The following KATNIP variants were observed in gnomAD, a reference collection of about 807,000 sequenced individuals.
The protein encoded by KATNIP is katanin interacting protein, also known as katanin-interacting protein.
A neutral mutation model predicts 174.0 loss-of-function variants in KATNIP; 126 were observed. The observed-to-expected ratio is 0.72, with a 90% confidence interval of 0.63 to 0.84. The LOEUF (loss-of-function observed/expected upper bound fraction) is 0.84, where lower values mean the gene tolerates loss of function less well. Among genes scored for constraint, KATNIP ranks in the 40% least tolerant of loss-of-function variants. The probability of loss-of-function intolerance (pLI) is 0.00; values close to 1 mark genes in which losing one functional copy is unlikely to be tolerated. For synonymous variants in KATNIP, 810 were observed against 835.7 expected (o/e 0.97, Z 0.53); for missense variants, 1,958 against 2,109.7 (o/e 0.93, Z 1.41).
intron 3 of KATNIP, among the ~76,000 whole-genome samples, chr16:27,624,584 G>T (rs1487310821): frequency 6.6e-6 from 1 of 152,168 alleles, no homozygotes; most frequent in African/African-American, 2.4e-5. Context: ...GGGAAGCCAA[G>T]GTGGGTGGAT....
At chr16:27,622,054 C>A (rs718965) in intron 3 of KATNIP, among the ~76,000 whole-genome samples, 130,181 of 151,938 alleles carry the variant, frequency 0.86, 55,827 homozygotes, top group East Asian at 1. Context: ...CACCCCACTA[C>A]ATTGTGCAGT....
chr16:27,587,359 G>C (rs975948302), intron 2 of KATNIP, among the ~76,000 whole-genome samples: 2 of 152,170 alleles, frequency 1.3e-5, no homozygotes, highest in Non-Finnish European at 2.9e-5. Flanking sequence ...GGTTGGTGTA[G>C]TTTACACCTG....
intron 3 of KATNIP, among the ~76,000 whole-genome samples, chr16:27,626,202 C>G (rs1214109387): frequency 6.6e-6 from 1 of 150,920 alleles, no homozygotes; most frequent in Non-Finnish European, 1.5e-5. Flanking sequence ...CTCCCCCGCC[C>G]CCCACTGAAC....
intron 2 of KATNIP, among the ~76,000 whole-genome samples, chr16:27,574,526 GT>G (rs1461812948): frequency 6.9e-6 from 1 of 145,014 alleles, no homozygotes; most frequent in Non-Finnish European, 1.5e-5. Context: ...AGGCTTACAA[GT>G]CACACAGTGT....
chr16:27,622,373 C>G (rs764483404), intron 3 of KATNIP, among the ~76,000 whole-genome samples: 1 of 152,162 alleles, frequency 6.6e-6, no homozygotes, highest in East Asian at 1.9e-4. Context: ...CCTGCAGAAA[C>G]CCTGCCAGCT....
At position 27,721,771 on chromosome 16, in the gene KATNIP, C is replaced by T. The variant is rs1169089127; in HGVS notation, c.1743+76C>T. The T allele has an allele frequency of 3.3e-6, 5 of 1,529,278 alleles. No individual in the cohort carries two copies. In the South Asian group the frequency reaches 4.7e-5, roughly 14 times the overall value. 94.7% of individuals were successfully genotyped at this position (1,529,278 alleles called of 1,614,324 possible). A position where few individuals can be genotyped will look rare whatever the true frequency, so the allele number is the denominator to read the frequency against. ...TTAGCAGTTTGCCAATAGCCTGATT[C>T]CTAAAGTTGCAAAATGGATACACGG... On this transcript the variant is annotated intron_variant, in intron 14 of 27. Coordinates refer to ENST00000261588, the MANE Select transcript of KATNIP (RefSeq NM_015202.5).
chr16:27,665,822 A>T (rs2077664015), intron 6 of KATNIP, among the ~76,000 whole-genome samples: 2 of 151,900 alleles, frequency 1.3e-5, no homozygotes, highest in South Asian at 4.2e-4. Context: ...GCTGGTCTTG[A>T]ACTGCTGGCC....
At position 27,681,547 on chromosome 16, in the gene KATNIP, C is replaced by T. The variant is rs1307431304; in HGVS notation, c.940+17C>T. The T allele has an allele frequency of 1.9e-6, 3 of 1,613,806 alleles. No individual in the cohort carries two copies. The highest frequency in any genetic ancestry group is 2.5e-6 in the Non-Finnish European group (3 of 1,179,834). On this transcript the variant is annotated intron_variant, in intron 8 of 27. Coordinates refer to ENST00000261588, the MANE Select transcript of KATNIP (RefSeq NM_015202.5). ...TGTGCTCCAGTAAGAGTTCCGGGGG[C>T]CCCTGAGCAGGGGAGCAGGGCTGCG...
rs916770155 is a variant in KATNIP at position 27,631,049 on chromosome 16, C to T, written c.311-16C>T. 14 of 1,552,934 alleles carry T rather than the reference C, an allele frequency of 9.0e-6. No individual in the cohort carries two copies. Among genetic ancestry groups the T allele is most frequent in the African/African-American group, 2.7e-5 (2 of 73,502 alleles). On this transcript the variant is annotated splice_polypyrimidine_tract_variant and intron_variant, in intron 4 of 27. Transcript: ENST00000261588. Reference sequence around the variant, plus strand: ...TCAGTGCCTCACCAAGTCTCCTTCCCTCGTCTCTGGTGCAGATTATGGACG... The same window carrying T: ...TCAGTGCCTCACCAAGTCTCCTTCCTTCGTCTCTGGTGCAGATTATGGACG...
chr16:27,580,101 C>T lies in KATNIP; in HGVS notation c.63+6145C>T, dbSNP rs74249480. Among the ~76,000 whole-genome samples, 41 of 152,162 alleles carry T rather than the reference C, an allele frequency of 2.7e-4. No homozygotes were observed. In the East Asian group the frequency reaches 7.8e-3, roughly 29 times the overall value. Reference sequence around the variant, plus strand: ...CTCTGGGTCTTCTGGGTCTCTTTATCTTGTTGCTATCTTTTTTGTTTTTTT... The same window carrying T: ...CTCTGGGTCTTCTGGGTCTCTTTATTTTGTTGCTATCTTTTTTGTTTTTTT... On this transcript the variant is annotated intron_variant, in intron 2 of 27. Transcript: ENST00000261588.
In KATNIP at chr16:27,766,369, G is replaced by A. The variant is rs777826498; in HGVS notation, c.3870G>A (p.Ser1290=). The change falls in exon 20 of 28, where the codon TCG becomes TCA. Residue 1290 remains serine, a synonymous_variant. Transcript: ENST00000261588. Reference sequence around the variant, plus strand: ...AGCATATGTGGCTGATCCCCTTCTCGCCGGGGCTGGACCATGTGGTCACGA... The same window carrying A: ...AGCATATGTGGCTGATCCCCTTCTCACCGGGGCTGGACCATGTGGTCACGA... ...EDEHMWLIPF[S]PGLDHVVTIR... The A allele has an allele frequency of 1.2e-5, 19 of 1,614,038 alleles. No homozygotes were observed. The highest frequency in any genetic ancestry group is 2.2e-5 in the South Asian group (2 of 91,090).
intron 2 of KATNIP, among the ~76,000 whole-genome samples, chr16:27,608,916 C>T (rs918192223): frequency 2.0e-5 from 3 of 152,156 alleles, no homozygotes; most frequent in Non-Finnish European, 2.9e-5. Context: ...ACATCCTAAC[C>T]GAGGGATCGT....
intron 14 of KATNIP, chr16:27,722,361 A>G (rs2080276698): frequency 6.6e-6 from 1 of 152,268 alleles, no homozygotes; most frequent in African/African-American, 2.4e-5. Flanking sequence ...GACTGTGATC[A>G]ATTGAGATAA....
rs1224698307 is a variant in KATNIP at position 27,753,276 on chromosome 16, T to C, written c.3553-897T>C. On this transcript the variant is annotated intron_variant, in intron 17 of 27. Coordinates refer to ENST00000261588, the MANE Select transcript of KATNIP (RefSeq NM_015202.5). ...CCATTTAAAAATGCTGGCAGTGAATTCAGATGTGTTCAAACCTTTTTTGGG... is the reference window on the plus strand; with the variant it reads ...CCATTTAAAAATGCTGGCAGTGAATCCAGATGTGTTCAAACCTTTTTTGGG... 3.3e-5 allele frequency among the ~76,000 whole-genome samples: 5 copies of C among 152,316 alleles called. No homozygotes were observed. The East Asian group carries it at 9.6e-4, about 29-fold the overall frequency.
At chr16:27,681,634 G>A (rs902466390) in intron 8 of KATNIP, 104 bp downstream of exon 8, 1 of 1,324,244 alleles carries the variant, frequency 7.6e-7, no homozygotes, top group African/African-American at 1.4e-5. Flanking sequence ...CCTTGCAGAG[G>A]GCTAGCTGCC....
At chr16:27,673,476 C>CT (rs2077993433) in intron 6 of KATNIP, among the ~76,000 whole-genome samples, 1 of 152,202 alleles carries the variant, frequency 6.6e-6, no homozygotes, top group Non-Finnish European at 1.5e-5. Context: ...CAGCTCAATA[C>CT]ACTCAATTAG....
rs1005795555 is a variant in KATNIP, at chr16:27,776,004, G to A, written c.4449+920G>A. On this transcript the variant is annotated intron_variant, in intron 24 of 27. Transcript: ENST00000261588. This position sits in a 1 kb window ranked among gnomAD's most constrained non-coding sequence, Gnocchi z 4.7. ...CTCAGGCCACCCACTGACGGCCAGC[G>A]GGTATTTTCCATTGTCTAGCACTGG... Among the ~76,000 whole-genome samples, 4 of 152,154 alleles carry A rather than the reference G, an allele frequency of 2.6e-5. No individual in the cohort carries two copies. The highest frequency in any genetic ancestry group is 7.2e-5 in the African/African-American group (3 of 41,440).
intron 2 of KATNIP, among the ~76,000 whole-genome samples, chr16:27,613,870 G>C (rs1011027315): frequency 6.6e-6 from 1 of 152,164 alleles, no homozygotes; most frequent in Non-Finnish European, 1.5e-5. Flanking sequence ...AGTAGCCTCT[G>C]TAGGCACCTC....
At chr16:27,566,535 T>TA (rs566745233) in intron 1 of KATNIP, among the ~76,000 whole-genome samples, 7 of 111,134 alleles carry the variant, frequency 6.3e-5, no homozygotes, top group Non-Finnish European at 9.1e-5. Flanking sequence ...AGACTCTGTC[T>TA]AAAAAAAAAG....
Sources: allele counts gnomAD v4.1 joint callset (sites outside exome capture counted in the v4.1 genomes callset), GRCh38; gene constraint gnomAD v4.1.1; non-coding constraint Gnocchi (gnomAD v3.1); transcripts MANE v1.5; gene names NCBI Gene and HGNC (gene_info 2026-07-23, HGNC 2026-07-21).